GPC6: variants seen among roughly 807,000 people sequenced by gnomAD.
The protein encoded by GPC6 is glypican-6.
Under a neutral mutation model 55.2 loss-of-function variants are expected in GPC6, and 14 were observed. The observed-to-expected ratio is 0.25, with a 90% CI of 0.17 to 0.40. GPC6 has a LOEUF of 0.40. GPC6 is among the 10% of genes least tolerant of loss of function. The probability of loss-of-function intolerance (pLI) is 1.00; values close to 1 mark genes in which losing one functional copy is unlikely to be tolerated. For missense variants in GPC6, 641 were observed against 708.5 expected (o/e 0.90, Z 1.08); for synonymous variants, 278 against 259.6 (o/e 1.07, Z -0.68).
intron 3 of GPC6, among the ~76,000 whole-genome samples, chr13:93,867,933 C>T (rs940368567): frequency 6.6e-6 from 1 of 151,738 alleles, no homozygotes; most frequent in Non-Finnish European, 1.5e-5. Flanking sequence ...TACACAAGGG[C>T]AGCAGGAGTT....
intron 3 of GPC6, among the ~76,000 whole-genome samples, chr13:93,879,876 C>G (rs1179109293): frequency 6.6e-6 from 1 of 151,540 alleles, no homozygotes; most frequent in African/African-American, 2.4e-5. Flanking sequence ...AAGAAAAAAA[C>G]AAACAACCCC....
chr13:93,663,493 C>G (rs1881008304), intron 2 of GPC6, among the ~76,000 whole-genome samples: 1 of 152,248 alleles, frequency 6.6e-6, no homozygotes, highest in East Asian at 1.9e-4. Flanking sequence ...TATTATATCC[C>G]CTTTCTGTCT....
intron 2 of GPC6, among the ~76,000 whole-genome samples, chr13:93,737,311 C>T (rs190958361): frequency 6.6e-6 from 1 of 152,150 alleles, no homozygotes; most frequent in African/African-American, 2.4e-5. Flanking sequence ...CCATATTACT[C>T]ATTTAATTAA....
chr13:93,355,743 A>G (rs1185307637), intron 1 of GPC6, among the ~76,000 whole-genome samples: 1 of 152,046 alleles, frequency 6.6e-6, no homozygotes, highest in Non-Finnish European at 1.5e-5. Flanking sequence ...GAGCTGGGGA[A>G]CAGGGAGGTG....
intron 2 of GPC6, among the ~76,000 whole-genome samples, chr13:93,602,531 T>A (rs1260219202): frequency 1.3e-5 from 2 of 152,098 alleles, no homozygotes; most frequent in African/African-American, 2.4e-5. Flanking sequence ...CTTTCTGACA[T>A]CTTATGTAAG....
At chr13:93,735,455 C>A (rs1341510507) in intron 2 of GPC6, among the ~76,000 whole-genome samples, 1 of 151,578 alleles carries the variant, frequency 6.6e-6, no homozygotes, top group Non-Finnish European at 1.5e-5. Flanking sequence ...ATCACTTGAA[C>A]CTAGTAGGTG....
chr13:94,345,581 T>G (rs573179491), intron 6 of GPC6, among the ~76,000 whole-genome samples: 3 of 152,134 alleles, frequency 2.0e-5, no homozygotes, highest in Non-Finnish European at 2.9e-5. Context: ...CATAGTGCCA[T>G]CTACATGCTT....
At chr13:94,119,017 TG>T (rs2138850589) in intron 4 of GPC6, among the ~76,000 whole-genome samples, 4 of 151,836 alleles carry the variant, frequency 2.6e-5, no homozygotes, top group East Asian at 3.9e-4. Flanking sequence ...TGTGTGTGTG[TG>T]TGTGTGTACA....
intron 2 of GPC6, among the ~76,000 whole-genome samples, chr13:93,616,095 T>C (rs1323554016): frequency 6.6e-6 from 1 of 152,106 alleles, no homozygotes; most frequent in Non-Finnish European, 1.5e-5. Context: ...AAACAATTTG[T>C]CTCTTTAGTC....
At chr13:94,103,747 T>C (rs1885950252) in intron 4 of GPC6, among the ~76,000 whole-genome samples, 1 of 152,204 alleles carries the variant, frequency 6.6e-6, no homozygotes, top group South Asian at 2.1e-4. Flanking sequence ...GATTTTTTTC[T>C]TGTAAATTTA....
chr13:93,401,368 G>A (rs533179250), intron 1 of GPC6, among the ~76,000 whole-genome samples: 58 of 152,064 alleles, frequency 3.8e-4, no homozygotes, highest in Non-Finnish European at 7.2e-4. Context: ...AGGTCACTGG[G>A]GTTGCTGTAA....
intron 1 of GPC6, among the ~76,000 whole-genome samples, chr13:93,484,512 A>G (rs1336006629): frequency 6.6e-6 from 1 of 152,110 alleles, no homozygotes; most frequent in Non-Finnish European, 1.5e-5. Flanking sequence ...AGAATAATAT[A>G]TCCTTAAGTT....
chr13:94,349,979 A>C (rs1878460487), intron 6 of GPC6, among the ~76,000 whole-genome samples: 1 of 152,020 alleles, frequency 6.6e-6, no homozygotes, highest in Non-Finnish European at 1.5e-5. Flanking sequence ...GGATGATGGA[A>C]TTGTACTTCT....
chr13:94,129,389 A>G (rs1211705190), intron 4 of GPC6, among the ~76,000 whole-genome samples: 1 of 152,078 alleles, frequency 6.6e-6, no homozygotes, highest in Non-Finnish European at 1.5e-5. Context: ...AAGCCAATCA[A>G]AGGGACTTAT....
chr13:93,822,877 T>G (rs1204026794), intron 2 of GPC6, among the ~76,000 whole-genome samples: 4 of 150,142 alleles, frequency 2.7e-5, no homozygotes, highest in Non-Finnish European at 4.4e-5. Flanking sequence ...ATTATTATTT[T>G]CTTTGAGATG....
At chr13:93,575,288 C>T (rs1391310150) in intron 2 of GPC6, among the ~76,000 whole-genome samples, 1 of 151,954 alleles carries the variant, frequency 6.6e-6, no homozygotes, top group Non-Finnish European at 1.5e-5. Context: ...GATACTCTGT[C>T]TCAAAAAAGA....
chr13:93,953,702 G>A (rs1402418005), intron 3 of GPC6, among the ~76,000 whole-genome samples: 1 of 152,130 alleles, frequency 6.6e-6, no homozygotes, highest in African/African-American at 2.4e-5. Context: ...ACCTTGGCCA[G>A]ACCGTATGTA....
chr13:93,740,066 C>T (rs531594140), intron 2 of GPC6, among the ~76,000 whole-genome samples: 70 of 152,164 alleles, frequency 4.6e-4, no homozygotes, highest in Non-Finnish European at 1.5e-5. Context: ...GGGACTTCAC[C>T]ATCCCCTTTC....
At chr13:93,702,912 A>G (rs1882721612) in intron 2 of GPC6, among the ~76,000 whole-genome samples, 1 of 151,874 alleles carries the variant, frequency 6.6e-6, no homozygotes, top group Non-Finnish European at 1.5e-5. Context: ...AGACCCCTAA[A>G]ACTTTCTTCA....
Sources: allele counts gnomAD v4.1 joint callset (sites outside exome capture counted in the v4.1 genomes callset), GRCh38; gene constraint gnomAD v4.1.1; transcripts MANE v1.5; gene names NCBI Gene and HGNC (gene_info 2026-07-23, HGNC 2026-07-21).